Variants in GRIN2B observed in about 807,000 individuals in gnomAD.
GRIN2B encodes the protein glutamate receptor ionotropic, NMDA 2B.
GRIN2B carries 5 observed loss-of-function variants against 114.5 expected under a neutral mutation model. The observed-to-expected ratio is 0.04, with a 90% CI of 0.02 to 0.09. The LOEUF is 0.09. GRIN2B is among the 10% of genes least tolerant of loss of function. The probability of loss-of-function intolerance (pLI) is 1.00; values close to 1 mark genes in which losing one functional copy is unlikely to be tolerated. For synonymous variants in GRIN2B, 787 were observed against 745.1 expected, an observed-to-expected ratio of 1.06 and a Z score of -0.92; for missense variants, 1,108 against 1,943.5, an observed-to-expected ratio of 0.57 and a Z score of 8.08.
chr12:13,926,092 G>A (rs953695363), intron 2 of GRIN2B, among the ~76,000 whole-genome samples: 1 of 152,150 alleles, frequency 6.6e-6, no homozygotes, highest in East Asian at 1.9e-4. Flanking sequence ...GTGGGTTAGA[G>A]AGGGAATAAA....
In GRIN2B at chr12:13,562,848, C is replaced by G. The variant is rs1168549804; in HGVS notation, c.4390G>C (p.Ala1464Pro). ...PCVPNNKNPR[A>P]FNGSSNGHVY... ...TGCCCATTGCTGGAGCCATTGAAAG[C>G]CCTGGGGTTTTTGTTGTTAGGCACA... is the stretch of plus-strand genomic sequence containing the variant. Residue 1464 changes from alanine to proline, a missense_variant, in exon 14 of 14, where the codon GCT becomes CCT. Around this residue, in one of 19 missense-constraint regions of GRIN2B, gnomAD observed 478 missense variants for 506.0 expected, o/e 0.94. Transcript: ENST00000609686. 1 of 1,614,168 alleles carries G rather than the reference C, an allele frequency of 6.2e-7. No individual in the cohort carries two copies. The highest frequency in any genetic ancestry group is 1.7e-5 in the Admixed American group (1 of 60,024).
At chr12:13,711,977 C>G (rs1950418777) in intron 4 of GRIN2B, among the ~76,000 whole-genome samples, 1 of 151,998 alleles carries the variant, frequency 6.6e-6, no homozygotes, top group Non-Finnish European at 1.5e-5. Context: ...TGGAACCAAC[C>G]CAAATGTCCA....
In GRIN2B at chr12:13,564,073, C is replaced by T; in HGVS notation, c.3165G>A (p.Leu1055=). 6.2e-7 allele frequency: 1 copy of T among 1,614,200 alleles called. No homozygotes were observed. The highest frequency in any genetic ancestry group is 1.6e-4 in the Middle Eastern group (1 of 6,062). ...KSDRYSGHDD[L]IRSDVSDIST... is the part of the protein sequence containing the mutation. ...AGATGTCAGAGACATCGGAGCGGAT[C>T]AAGTCGTCGTGGCCACTGTAGCGGT... The change falls in exon 14 of 14, where the codon TTG becomes TTA. Residue 1055 remains leucine, a synonymous_variant. Transcript: ENST00000609686. This position sits in a 1 kb window ranked among gnomAD's most constrained non-coding sequence, Gnocchi z 4.8.
chr12:13,946,133 G>A (rs979373953), intron 2 of GRIN2B, among the ~76,000 whole-genome samples: 1 of 152,034 alleles, frequency 6.6e-6, no homozygotes, highest in Non-Finnish European at 1.5e-5. Context: ...GTGTGTGGAG[G>A]GGGTAAATAA....
chr12:13,769,923 A>G (rs1207092466), intron 3 of GRIN2B, among the ~76,000 whole-genome samples: 2 of 152,224 alleles, frequency 1.3e-5, no homozygotes, highest in Non-Finnish European at 2.9e-5. Flanking sequence ...TCTTTGTGCA[A>G]TATCAAGCAG....
chr12:13,965,457 G>C (rs1867774277), intron 2 of GRIN2B, among the ~76,000 whole-genome samples: 1 of 151,884 alleles, frequency 6.6e-6, no homozygotes, highest in South Asian at 2.1e-4. Context: ...TGAAGACCTG[G>C]GGTTATTTAT....
chr12:13,548,935 A>G lies in GRIN2B; in HGVS notation c.*13848T>C, dbSNP rs1948379247. ...TGATGGTATAGAAGTCTCCTCACTC[A>G]TTCATCTAAGGACTTTTCCATCTTC... On this transcript the variant is annotated 3_prime_UTR_variant, in exon 14 of 14. Transcript: ENST00000609686. 2 of 152,004 alleles carry G rather than the reference A, an allele frequency of 1.3e-5. No individual in the cohort carries two copies. Among genetic ancestry groups the G allele is most frequent in the South Asian group, 4.2e-4 (2 of 4,808 alleles). 9.4% of individuals were successfully genotyped at this position (152,004 alleles called of 1,614,324 possible). A position where few individuals can be genotyped will look rare whatever the true frequency, so the allele number is the denominator to read the frequency against.
intron 2 of GRIN2B, among the ~76,000 whole-genome samples, chr12:13,967,459 C>T (rs1249581311): frequency 3.3e-5 from 5 of 152,202 alleles, no homozygotes. Context: ...GTCTTCATGT[C>T]TTAGTATCCT....
intron 2 of GRIN2B, among the ~76,000 whole-genome samples, chr12:13,889,930 A>C (rs1866229538): frequency 6.6e-6 from 1 of 152,196 alleles, no homozygotes; most frequent in South Asian, 2.1e-4. Flanking sequence ...TGCTGCTCAG[A>C]GGATTTCATC....
chr12:13,570,090 G>T, intron 11 of GRIN2B, 73 bp from the exon 12 acceptor site: 1 of 1,008,508 alleles, frequency 9.9e-7, no homozygotes, highest in Non-Finnish European at 1.6e-6. Context: ...CCATTAATAT[G>T]AAGCAGTAGG....
chr12:13,866,286 A>G, intron 2 of GRIN2B, 60 bp from the exon 3 acceptor site: 1 of 1,454,616 alleles, frequency 6.9e-7, no homozygotes, highest in Non-Finnish European at 9.5e-7. Flanking sequence ...CCTGTCTTAG[A>G]AGAGGCTAGA....
chr12:13,957,259 A>C (rs1336001966), intron 2 of GRIN2B, among the ~76,000 whole-genome samples: 3 of 152,124 alleles, frequency 2.0e-5, no homozygotes, highest in Admixed American at 2.0e-4. Context: ...CAGTAAATAT[A>C]GTAACTAGTA....
chr12:13,622,940 A>G (rs1054214036), intron 5 of GRIN2B, among the ~76,000 whole-genome samples: 1 of 152,224 alleles, frequency 6.6e-6, no homozygotes, highest in Non-Finnish European at 1.5e-5. Context: ...GGACACATTC[A>G]AACTACAGCA....
At chr12:13,693,565 AGAGGCT>A (rs140347623) in intron 4 of GRIN2B, among the ~76,000 whole-genome samples, 3,075 of 152,218 alleles carry the variant, frequency 0.02, 103 homozygotes, top group African/African-American at 0.07. Flanking sequence ...GTTTACATCC[AGAGGCT>A]GAGCTGGGTC....
At chr12:13,605,958 T>C (rs1949241021) in intron 10 of GRIN2B, among the ~76,000 whole-genome samples, 1 of 152,120 alleles carries the variant, frequency 6.6e-6, no homozygotes, top group South Asian at 2.1e-4. Flanking sequence ...CACCATACAG[T>C]GCTATAACCA....
At chr12:13,778,941 A>C (rs1864055097) in intron 3 of GRIN2B, among the ~76,000 whole-genome samples, 1 of 152,090 alleles carries the variant, frequency 6.6e-6, no homozygotes. Flanking sequence ...AATGACCCAG[A>C]ATTGCCTCTG....
At chr12:13,819,218 A>C (rs1233526564) in intron 3 of GRIN2B, among the ~76,000 whole-genome samples, 1 of 152,168 alleles carries the variant, frequency 6.6e-6, no homozygotes, top group Non-Finnish European at 1.5e-5. Flanking sequence ...GGCCATCTAC[A>C]AGCCAAGGAG....
intron 5 of GRIN2B, among the ~76,000 whole-genome samples, chr12:13,653,254 G>A (rs1449232874): frequency 1.3e-5 from 2 of 152,100 alleles, no homozygotes; most frequent in African/African-American, 4.8e-5. Flanking sequence ...GAAGCATGTT[G>A]GAAAGAGAGG....
intron 5 of GRIN2B, among the ~76,000 whole-genome samples, chr12:13,646,975 C>T (rs1462560695): frequency 2.6e-5 from 4 of 152,042 alleles, no homozygotes; most frequent in Non-Finnish European, 5.9e-5. Context: ...GGGTTGTTTC[C>T]AGTCAATACC....
Sources: gnomAD v4.1 joint callset for allele counts (sites outside exome capture counted in the v4.1 genomes callset) on GRCh38, gnomAD v4.1.1 for gene constraint, gnomAD v4.1.1 regional missense constraint, Gnocchi (gnomAD v3.1) non-coding constraint, MANE v1.5 for transcripts, NCBI Gene and HGNC (gene_info 2026-07-23, HGNC 2026-07-21) for gene names.